Variants in ITPRID1 observed in about 807,000 individuals in gnomAD.
The protein encoded by ITPRID1 is ITPR interacting domain containing 1.
In ITPRID1, 96 loss-of-function variants were observed where a neutral mutation model predicts 95.4. The ratio of observed to expected loss-of-function variants is 1.01; its 90% CI spans 0.85 to 1.19. The LOEUF (loss-of-function observed/expected upper bound fraction) is 1.19. Among genes scored for constraint, ITPRID1 ranks in the 50% most tolerant of loss-of-function variants. The probability of loss-of-function intolerance (pLI) is 0.00; values close to 1 mark genes in which losing one functional copy is unlikely to be tolerated. For synonymous variants in ITPRID1, 510 were observed against 453.6 expected, an observed-to-expected ratio of 1.12 and a Z score of -1.58; for missense variants, 1,339 against 1,252.9, an observed-to-expected ratio of 1.07 and a Z score of -1.04.
intron 10 of ITPRID1, among the ~76,000 whole-genome samples, chr7:31,585,929 G>T (rs1288674851): frequency 6.7e-6 from 1 of 148,884 alleles, no homozygotes; most frequent in African/African-American, 2.5e-5. Context: ...ATGCTGGTGC[G>T]CTGCACCCAC....
chr7:31,538,296 C>G lies in ITPRID1; in HGVS notation c.-97-11130C>G, dbSNP rs190512603. On this transcript the variant is annotated intron_variant, in intron 1 of 14. Coordinates refer to ENST00000615280, the MANE Select transcript of ITPRID1 (RefSeq NM_001257967.3). Reference sequence around the variant, plus strand: ...CACACACTATGTATGTAGTGTCTTTCGAGAGTAAATTGCAGATATAATGCT... The same window carrying G: ...CACACACTATGTATGTAGTGTCTTTGGAGAGTAAATTGCAGATATAATGCT... Among the ~76,000 whole-genome samples the G allele has an allele frequency of 1.7e-3, 252 of 152,202 alleles. 4 individuals carry two copies. The highest frequency in any genetic ancestry group is 5.9e-3 in the African/African-American group (247 of 41,540).
rs193291410 is a variant in ITPRID1 at position 31,520,737 on chromosome 7, C to T, written c.-98+6617C>T. Among the ~76,000 whole-genome samples the T allele has an allele frequency of 2.6e-5, 4 of 152,202 alleles. No individual in the cohort carries two copies. The East Asian group carries it at 7.7e-4, about 29-fold the overall frequency. ...GGAGTGTTTTGCTTCTAGGCCCTCTCAACAGATAGAGGGATGAAATATATG... is the reference window on the plus strand; with the variant it reads ...GGAGTGTTTTGCTTCTAGGCCCTCTTAACAGATAGAGGGATGAAATATATG... On this transcript the variant is annotated intron_variant, in intron 1 of 14. Transcript: ENST00000615280.
At chr7:31,517,242 T>G (rs923210344) in intron 1 of ITPRID1, 7 of 152,180 alleles carry the variant, frequency 4.6e-5, no homozygotes, top group African/African-American at 1.7e-4. Flanking sequence ...GAGAGCTGAT[T>G]GGTCCATTTT....
In ITPRID1 at chr7:31,651,227, G is replaced by A; in HGVS notation, c.2669G>A (p.Gly890Glu). The change falls in exon 13 of 15, where the codon GGA (glycine) becomes GAA (glutamate). Residue 890 changes from glycine to glutamate, a missense_variant. Transcript: ENST00000615280. ...GAAGAAATTGAACAGCACCTTATGG[G>A]ACAGCAGGCCCTCTTTTCCAGGGAC... is the stretch of plus-strand genomic sequence containing the variant. ...YLEEIEQHLM[G>E]QQALFSRDMS... 1 of 1,613,578 alleles carries A rather than the reference G, an allele frequency of 6.2e-7. No homozygotes were observed. Among genetic ancestry groups the A allele is most frequent in the East Asian group, 2.2e-5 (1 of 44,876 alleles).
intron 12 of ITPRID1, among the ~76,000 whole-genome samples, chr7:31,646,001 A>G (rs1790435038): frequency 6.6e-6 from 1 of 152,204 alleles, no homozygotes; most frequent in East Asian, 1.9e-4. Context: ...TATGGGGGAA[A>G]ATATTAAATC....
At chr7:31,618,304 T>C (rs984876851) in intron 10 of ITPRID1, among the ~76,000 whole-genome samples, 2 of 152,090 alleles carry the variant, frequency 1.3e-5, no homozygotes, top group African/African-American at 2.4e-5. Flanking sequence ...TAATTAGGAC[T>C]GTTCATGAGA....
At chr7:31,592,733 C>G (rs1306914475) in intron 10 of ITPRID1, among the ~76,000 whole-genome samples, 1 of 152,176 alleles carries the variant, frequency 6.6e-6, no homozygotes, top group Non-Finnish European at 1.5e-5. Flanking sequence ...ATTCACCGCT[C>G]ACCTCCTAGT....
At chr7:31,648,777 G>A (rs1790704823) in intron 12 of ITPRID1, among the ~76,000 whole-genome samples, 1 of 152,184 alleles carries the variant, frequency 6.6e-6, no homozygotes, top group African/African-American at 2.4e-5. Flanking sequence ...CAAACAGCTC[G>A]CTGCTAAGGG....
rs1554279824 is a variant in ITPRID1, at chr7:31,519,620, C to CCATATATATATATATATA, written c.-98+5500_-98+5501insCATATATATATATATATA. ...TCTCTCTCTCTCTCTCTCTCTCTCT[C>CCATATATATATATATATA]TATATATATATATATATATATATAT... On this transcript the variant is annotated intron_variant, in intron 1 of 14. Coordinates refer to ENST00000615280, the MANE Select transcript of ITPRID1 (RefSeq NM_001257967.3). Among the ~76,000 whole-genome samples, 9 of 25,254 alleles carry CCATATATATATATATATA rather than the reference C, an allele frequency of 3.6e-4. 1 individual carries two copies. The highest frequency in any genetic ancestry group is 5.9e-4 in the Admixed American group (1 of 1,698). The allele number at this position is 25,254 out of a possible 152,430, so 16.6% of individuals were successfully genotyped here. A position where few individuals can be genotyped will look rare whatever the true frequency, so the allele number is the denominator to read the frequency against.
chr7:31,581,590 G>A (rs980477600), intron 9 of ITPRID1, among the ~76,000 whole-genome samples: 2 of 152,076 alleles, frequency 1.3e-5, no homozygotes, highest in African/African-American at 4.8e-5. Flanking sequence ...TCAACATCTT[G>A]ATTAGGTGGG....
At chr7:31,651,910 T>G in intron 13 of ITPRID1, 29 bp from the exon 14 acceptor site, 1 of 1,495,238 alleles carries the variant, frequency 6.7e-7, no homozygotes, top group Non-Finnish European at 9.1e-7. Flanking sequence ...GATTGTTAAA[T>G]TTGGTTATTT....
Position 31,643,828 on chromosome 7 carries a change from C to CA in ITPRID1, c.2461dup (p.Ser821LysfsTer5), listed in dbSNP as rs745837292. ...CCACCCTCACTGCCACGGGGAGAGG[C>CA]AAAGCCCTGGCCCTGAACCCTCAGT... On this transcript the variant is annotated frameshift_variant, in exon 12 of 15. Coordinates refer to ENST00000615280, the MANE Select transcript of ITPRID1 (RefSeq NM_001257967.3). LOFTEE classifies it high-confidence loss of function. 3.7e-6 allele frequency: 6 copies of CA among 1,613,934 alleles called. No homozygotes were observed. Among genetic ancestry groups the CA allele is most frequent in the Non-Finnish European group, 5.1e-6 (6 of 1,179,898 alleles).
chr7:31,572,953 A>G (rs1785043258), intron 7 of ITPRID1, among the ~76,000 whole-genome samples: 1 of 152,224 alleles, frequency 6.6e-6, no homozygotes, highest in Non-Finnish European at 1.5e-5. Flanking sequence ...ACATTTGTAC[A>G]GTGAAGTCAC....
At chr7:31,569,696 G>T in intron 5 of ITPRID1, 62 bp from the exon 6 acceptor site, 1 of 1,452,760 alleles carries the variant, frequency 6.9e-7, no homozygotes, top group South Asian at 1.3e-5. Context: ...ATTTGGGGTT[G>T]AGAAAATCTT....
At chr7:31,516,204 A>G (rs979164025) in intron 1 of ITPRID1, among the ~76,000 whole-genome samples, 2 of 152,214 alleles carry the variant, frequency 1.3e-5, no homozygotes, top group African/African-American at 4.8e-5. Context: ...AAAACACAGT[A>G]TATAATGTGC....
intron 1 of ITPRID1, among the ~76,000 whole-genome samples, chr7:31,514,904 A>G (rs1397099206): frequency 6.6e-6 from 1 of 151,726 alleles, no homozygotes; most frequent in Non-Finnish European, 1.5e-5. Context: ...TATATATAAA[A>G]TAAAAGCAAT....
At chr7:31,611,328 CTTTA>C (rs1355861973) in intron 10 of ITPRID1, among the ~76,000 whole-genome samples, 1 of 151,132 alleles carries the variant, frequency 6.6e-6, no homozygotes, top group African/African-American at 2.4e-5. Context: ...ATAATTATTG[CTTTA>C]TTGTCTTTTA....
chr7:31,642,156 A>C lies in ITPRID1; in HGVS notation c.1229-20A>C. 2 of 1,544,470 alleles carry C rather than the reference A, an allele frequency of 1.3e-6. No individual in the cohort carries two copies. The highest frequency in any genetic ancestry group is 1.8e-6 in the Non-Finnish European group (2 of 1,141,742). On this transcript the variant is annotated intron_variant, in intron 10 of 14. Coordinates refer to ENST00000615280, the MANE Select transcript of ITPRID1 (RefSeq NM_001257967.3). ...GCGTGTTTTCCCTTTAATAACCTCA[A>C]GACCTCTTTCATTCTGCAGGTGCCA... is the stretch of plus-strand genomic sequence containing the variant.
intron 10 of ITPRID1, among the ~76,000 whole-genome samples, chr7:31,595,062 TA>T (rs1786024519): frequency 6.6e-6 from 1 of 151,046 alleles, no homozygotes; most frequent in Non-Finnish European, 1.5e-5. Context: ...AAGATTCTTT[TA>T]TAATTTCTTT....
Sources: allele counts gnomAD v4.1 joint callset (sites outside exome capture counted in the v4.1 genomes callset), GRCh38; gene constraint gnomAD v4.1.1; transcripts MANE v1.5; gene names NCBI Gene and HGNC (gene_info 2026-07-23, HGNC 2026-07-21).